The following CLEC2D variants were observed in gnomAD, a reference collection of about 807,000 sequenced individuals.
CLEC2D encodes the protein C-type lectin related f.
In CLEC2D, 16 loss-of-function variants were observed where a neutral mutation model predicts 20.0. The ratio of observed to expected loss-of-function variants is 0.80; its 90% confidence interval spans 0.54 to 1.22. The LOEUF is 1.22. CLEC2D is among the 50% of genes most tolerant of loss of function. The pLI is 0.00. For missense variants in CLEC2D, 207 were observed against 221.5 expected (o/e 0.93, Z 0.42); for synonymous variants, 77 against 71.1 (o/e 1.08, Z -0.42).
chr12:9,694,736 CTGAT>C lies in CLEC2D; in HGVS notation c.462-22_462-19del. 7.6e-7 allele frequency: 1 copy of C among 1,314,960 alleles called. No individual in the cohort carries two copies. Among genetic ancestry groups the C allele is most frequent in the East Asian group, 2.3e-5 (1 of 43,532 alleles). The allele number at this position is 1,314,960 out of a possible 1,614,324, so 81.5% of individuals were successfully genotyped here. On this transcript the variant is annotated intron_variant, in intron 4 of 4. Transcript: ENST00000290855. ...TGTTGAAGAAATGTTCAGTGGCCAA[CTGAT>C]TCTGCTTCTTCTCTTGCAGGTTTCC... is the stretch of plus-strand genomic sequence containing the variant.
chr12:9,684,869 G>T (rs1174386933), intron 2 of CLEC2D, among the ~76,000 whole-genome samples: 2 of 152,010 alleles, frequency 1.3e-5, no homozygotes, highest in Non-Finnish European at 2.9e-5. Flanking sequence ...GCTAGGTTTT[G>T]GTATCAGGAT....
At chr12:9,693,256 T>C in intron 4 of CLEC2D, 1 of 623,226 alleles carries the variant, frequency 1.6e-6, no homozygotes, top group Admixed American at 2.7e-5. Context: ...TCCTCCTGAT[T>C]TCACAGGGTT....
chr12:9,693,311 G>GC, intron 4 of CLEC2D: 1 of 483,806 alleles, frequency 2.1e-6, no homozygotes, highest in Non-Finnish European at 3.7e-6. Flanking sequence ...AAGATTATGA[G>GC]TGACAGCAAT....
chr12:9,692,350 G>T (rs1171892404), intron 3 of CLEC2D, among the ~76,000 whole-genome samples: 1 of 152,052 alleles, frequency 6.6e-6, no homozygotes, highest in East Asian at 1.9e-4. Context: ...TGTTGGCCAA[G>T]CCTAGTCTCA....
At chr12:9,691,149 A>G (rs1033571137) in intron 3 of CLEC2D, among the ~76,000 whole-genome samples, 4 of 152,168 alleles carry the variant, frequency 2.6e-5, no homozygotes, top group African/African-American at 9.6e-5. Flanking sequence ...AAAATAAACT[A>G]AAGTAAAATT....
chr12:9,683,832 C>T (rs1224748140), intron 2 of CLEC2D, among the ~76,000 whole-genome samples: 1 of 150,230 alleles, frequency 6.7e-6, no homozygotes, highest in African/African-American at 2.4e-5. Flanking sequence ...GTTCTTTTTG[C>T]TTAGGATTGT....
chr12:9,683,859 CT>C (rs942683792), intron 2 of CLEC2D, among the ~76,000 whole-genome samples: 1 of 148,476 alleles, frequency 6.7e-6, no homozygotes, highest in Non-Finnish European at 1.5e-5. Flanking sequence ...TATACAGGCT[CT>C]TTTTTGGTTC....
At chr12:9,694,592 TCTC>T (rs1024406328) in intron 4 of CLEC2D, among the ~76,000 whole-genome samples, 165 bp from the exon 5 acceptor site, 3 of 152,176 alleles carry the variant, frequency 2.0e-5, no homozygotes, top group African/African-American at 4.8e-5. Context: ...ATTTATAACA[TCTC>T]CTGCTAAGCA....
chr12:9,682,230 A>AT (rs1413630773), intron 2 of CLEC2D, among the ~76,000 whole-genome samples: 1 of 151,918 alleles, frequency 6.6e-6, no homozygotes, highest in Non-Finnish European at 1.5e-5. Flanking sequence ...ACTTTATATC[A>AT]TTTTTATGTT....
At chr12:9,675,840 T>C (rs1003546921) in intron 1 of CLEC2D, among the ~76,000 whole-genome samples, 1 of 152,232 alleles carries the variant, frequency 6.6e-6, no homozygotes, top group East Asian at 1.9e-4. Context: ...TTTCCACATA[T>C]AGATTTTGTA....
chr12:9,679,258 A>G (rs1163405144), intron 1 of CLEC2D, among the ~76,000 whole-genome samples: 1 of 152,116 alleles, frequency 6.6e-6, no homozygotes, highest in Non-Finnish European at 1.5e-5. Context: ...ACCTTCACTT[A>G]TTTTTTATAT....
intron 1 of CLEC2D, among the ~76,000 whole-genome samples, chr12:9,671,234 C>G (rs1565462650): frequency 1.3e-5 from 2 of 152,150 alleles, no homozygotes; most frequent in Admixed American, 1.3e-4. Context: ...GATTTCTTTT[C>G]TTTTTTTGAG....
chr12:9,695,925 G>T lies in CLEC2D; in HGVS notation c.*1051G>T. On this transcript the variant is annotated 3_prime_UTR_variant, in exon 5 of 5. Transcript: ENST00000290855. ...AAGCTGAAGAAAAAGCGCCAGTGAA[G>T]AAATCTATACGAGATACTCCAGCCA... 1.4e-6 allele frequency: 2 copies of T among 1,390,158 alleles called. No homozygotes were observed. The highest frequency in any genetic ancestry group is 2.0e-6 in the Non-Finnish European group (2 of 991,264). 86.1% of individuals were successfully genotyped at this position (1,390,158 alleles called of 1,614,324 possible).
Position 9,680,940 on chromosome 12 carries a change from G to A in CLEC2D, c.79G>A (p.Glu27Lys). The change falls in exon 2 of 5, where the codon GAG becomes AAG. Residue 27 changes from glutamate to lysine, a missense_variant. Coordinates refer to ENST00000290855, the MANE Select transcript of CLEC2D (RefSeq NM_013269.6). ...TTTTCCAGGTTGTCTGCATTCAAAA[G>A]AGCATTCTATTAAAGCTACCTTAAT... is the stretch of plus-strand genomic sequence containing the variant. ...PANPGCLHSKEHSIKATLIWR... is the reference protein window; with the variant it reads ...PANPGCLHSKKHSIKATLIWR... 6.3e-7 allele frequency: 1 copy of A among 1,577,996 alleles called. No individual in the cohort carries two copies. Among genetic ancestry groups the A allele is most frequent in the Non-Finnish European group, 8.7e-7 (1 of 1,148,926 alleles).
chr12:9,681,986 A>G (rs572018213), intron 2 of CLEC2D, among the ~76,000 whole-genome samples: 5 of 152,350 alleles, frequency 3.3e-5, no homozygotes, highest in African/African-American at 1.2e-4. Context: ...TAAGTACCTC[A>G]GTATTAATCA....
intron 2 of CLEC2D, among the ~76,000 whole-genome samples, chr12:9,687,338 C>T (rs1865771161): frequency 6.6e-6 from 1 of 152,136 alleles, no homozygotes; most frequent in Non-Finnish European, 1.5e-5. Context: ...GGTTTGCCCT[C>T]CTATGAGAAT....
intron 3 of CLEC2D, among the ~76,000 whole-genome samples, chr12:9,689,394 A>C (rs1020832987): frequency 6.6e-6 from 1 of 152,220 alleles, no homozygotes; most frequent in Non-Finnish European, 1.5e-5. Flanking sequence ...AAGTTACCAG[A>C]GTTACCACAA....
At chr12:9,685,459 G>A (rs1865728183) in intron 2 of CLEC2D, among the ~76,000 whole-genome samples, 2 of 152,234 alleles carry the variant, frequency 1.3e-5, no homozygotes, top group African/African-American at 4.8e-5. Context: ...TCCCCCAGGT[G>A]CTCTGTCCCA....
intron 2 of CLEC2D, among the ~76,000 whole-genome samples, chr12:9,687,060 A>T (rs1332767029): frequency 2.0e-5 from 3 of 152,162 alleles, no homozygotes; most frequent in African/African-American, 7.2e-5. Context: ...GTTTTCATGG[A>T]CTGGGGTCAA....
Sources: allele counts gnomAD v4.1 joint callset (sites outside exome capture counted in the v4.1 genomes callset), GRCh38; gene constraint gnomAD v4.1.1; transcripts MANE v1.5; gene names NCBI Gene and HGNC (gene_info 2026-07-23, HGNC 2026-07-21).